Variants in AMOTL2 observed in about 807,000 individuals in gnomAD.
AMOTL2 encodes angiomotin-like protein 2.
In AMOTL2, 33 loss-of-function variants were observed where a neutral mutation model predicts 78.4. The ratio of observed to expected loss-of-function variants is 0.42; its 90% CI spans 0.32 to 0.56. AMOTL2 has a LOEUF of 0.56. AMOTL2 is among the 20% of genes least tolerant of loss of function. The pLI, the probability that AMOTL2 is intolerant of heterozygous loss-of-function variation, is 0.12. For synonymous variants in AMOTL2, 422 were observed against 428.8 expected, an observed-to-expected ratio of 0.98 and a Z score of 0.20; for missense variants, 983 against 1,030.1, an observed-to-expected ratio of 0.95 and a Z score of 0.63.
In AMOTL2 at chr3:134,357,619, G is replaced by A. The variant is rs1381186319; in HGVS notation, c.*86C>T. The A allele has an allele frequency of 1.8e-5, 24 of 1,344,076 alleles. No homozygotes were observed. Among genetic ancestry groups the A allele is most frequent in the Middle Eastern group, 3.7e-4 (2 of 5,404 alleles). The allele number at this position is 1,344,076 out of a possible 1,614,324, so 83.3% of individuals were successfully genotyped here. A position where few individuals can be genotyped will look rare whatever the true frequency, so the allele number is the denominator to read the frequency against. ...TGGCTGGGGAAAGGGACGGAGCAGC[G>A]GTTGACGGGGCTGCTGAAATGGCTG... On this transcript the variant is annotated 3_prime_UTR_variant, in exon 10 of 10. Coordinates refer to ENST00000249883, the MANE Select transcript of AMOTL2 (RefSeq NM_016201.4).
At chr3:134,367,121 G>T (rs1391106214) in intron 3 of AMOTL2, among the ~76,000 whole-genome samples, 1 of 152,124 alleles carries the variant, frequency 6.6e-6, no homozygotes, top group African/African-American at 2.4e-5. Context: ...TTTGGCCAGG[G>T]CTGGCCTGGA....
At chr3:134,372,420 C>T (rs746827586) in intron 1 of AMOTL2, among the ~76,000 whole-genome samples, 33 of 125,948 alleles carry the variant, frequency 2.6e-4, no homozygotes, top group Admixed American at 4.8e-4. Flanking sequence ...CAAAAAGGTG[C>T]CACCCATTAA....
intron 2 of AMOTL2, among the ~76,000 whole-genome samples, chr3:134,370,484 C>A (rs533168101): frequency 6.6e-6 from 1 of 152,320 alleles, no homozygotes; most frequent in East Asian, 1.9e-4. Context: ...GACAATGGTG[C>A]CTATCTCTGA....
At chr3:134,360,838 CT>C (rs2017323942) in intron 6 of AMOTL2, among the ~76,000 whole-genome samples, 1 of 152,200 alleles carries the variant, frequency 6.6e-6, no homozygotes, top group South Asian at 2.1e-4. Flanking sequence ...CACAGTGGAT[CT>C]GGACAACCAT....
chr3:134,366,337 T>TCCGCATGGTCTTCTCCAGGG lies in AMOTL2; in HGVS notation c.1112_1131dup (p.Asn378ProfsTer14). The TCCGCATGGTCTTCTCCAGGG allele has an allele frequency of 6.2e-7, 1 of 1,614,204 alleles. No individual in the cohort carries two copies. The highest frequency in any genetic ancestry group is 8.5e-7 in the Non-Finnish European group (1 of 1,180,036). On this transcript the variant is annotated frameshift_variant, in exon 4 of 10. Transcript: ENST00000249883. LOFTEE classifies it high-confidence loss of function. The stretch of plus-strand genomic sequence containing the variant: ...CTCCTCATTTCACTGTCCATCTTGT[T>TCCGCATGGTCTTCTCCAGGG]CCGCATGGTCTTCTCCAGGGCCTCA...
In AMOTL2 at chr3:134,359,403, G is replaced by A; in HGVS notation, c.1984C>T (p.Leu662=). ...GATGGCACCGACTTGGCAGGCCGCA[G>A]GGAGCCCTGGATGGCCTTGCCAGGG... ...RDPGKAIQGS[L]RPAKSVPSVF... is the part of the protein sequence containing the mutation. Residue 662 remains leucine (L), a synonymous_variant, in exon 8 of 10, where the codon CTG becomes TTG. Coordinates refer to ENST00000249883, the MANE Select transcript of AMOTL2 (RefSeq NM_016201.4). 6.2e-7 allele frequency: 1 copy of A among 1,614,188 alleles called. No individual in the cohort carries two copies. The highest frequency in any genetic ancestry group is 8.5e-7 in the Non-Finnish European group (1 of 1,180,026).
chr3:134,374,030 A>T (rs1033391027), intron 1 of AMOTL2: 1 of 62,652 alleles, frequency 1.6e-5, no homozygotes. Context: ...CGCCACCCCC[A>T]CCCCCGCCGA....
chr3:134,364,609 GA>G (rs2017528953), intron 5 of AMOTL2, among the ~76,000 whole-genome samples: 1 of 151,904 alleles, frequency 6.6e-6, no homozygotes, highest in Admixed American at 6.6e-5. Flanking sequence ...AGCCAGAAGA[GA>G]CCAGCCTACC....
In AMOTL2 at chr3:134,370,849, TG is replaced by T. The variant is rs778020599; in HGVS notation, c.584del (p.Pro195HisfsTer2). The T allele has an allele frequency of 1.2e-6, 2 of 1,601,560 alleles. No individual in the cohort carries two copies. Among genetic ancestry groups the T allele is most frequent in the Non-Finnish European group, 1.7e-6 (2 of 1,172,188 alleles). ...GGCCCTCAGCAGGGGGGCCCCTCAG[TG>T]GGGGGCCCTGCTGGTTGCGGGCCAG... ...PQLARNQQGP[P>X]LRGPPAEGPE... On this transcript the variant is annotated frameshift_variant, in exon 2 of 10. Transcript: ENST00000249883. LOFTEE classifies it high-confidence loss of function.
chr3:134,371,297 C>T lies in AMOTL2; in HGVS notation c.137G>A (p.Gly46Glu). ...QQALRGGAGT[G>E]GTGSPQASLE... Reference sequence around the variant, plus strand: ...GGAGGCCTGGGGGCTCCCTGTACCCCCAGTTCCAGCCCCACCCCTCAGGGC... The same window carrying T: ...GGAGGCCTGGGGGCTCCCTGTACCCTCAGTTCCAGCCCCACCCCTCAGGGC... The change falls in exon 2 of 10, where the codon GGG (glycine) becomes GAG (glutamate). Residue 46 changes from glycine (G) to glutamate (E), a missense_variant. Gly to Glu is a moderately conservative substitution (Grantham distance 98). Coordinates refer to ENST00000249883, the MANE Select transcript of AMOTL2 (RefSeq NM_016201.4). 1.2e-6 allele frequency: 2 copies of T among 1,612,326 alleles called. No individual in the cohort carries two copies. Among genetic ancestry groups the T allele is most frequent in the Non-Finnish European group, 1.7e-6 (2 of 1,180,000 alleles).
chr3:134,366,442 C>T lies in AMOTL2; in HGVS notation c.1042-15G>A, dbSNP rs775171350. 1 of 1,608,622 alleles carries T rather than the reference C, an allele frequency of 6.2e-7. No individual in the cohort carries two copies. The highest frequency in any genetic ancestry group is 1.3e-5 in the African/African-American group (1 of 74,740). On this transcript the variant is annotated splice_polypyrimidine_tract_variant and intron_variant, in intron 3 of 9. Transcript: ENST00000249883. The stretch of plus-strand genomic sequence containing the variant: ...TCGCTTTCCAGCTGCAAGAGTCAGA[C>T]AGCAGAGCTGAATGAAGGCGAGAGC...
Position 134,365,585 on chromosome 3 carries a change from T to C in AMOTL2, c.1279+232A>G, listed in dbSNP as rs557416512. ...AATCACTGCTCCCTGGCTTTCCCTC[T>C]TGTGTCAGCTGATCTTCTTAAAAGA... is the stretch of plus-strand genomic sequence containing the variant. On this transcript the variant is annotated intron_variant, in intron 5 of 9. Coordinates refer to ENST00000249883, the MANE Select transcript of AMOTL2 (RefSeq NM_016201.4). Among the ~76,000 whole-genome samples the C allele has an allele frequency of 1.2e-3, 177 of 152,372 alleles. 2 individuals carry two copies. The highest frequency in any genetic ancestry group is 4.0e-3 in the African/African-American group (167 of 41,594).
rs144090840 is a variant in AMOTL2 at position 134,367,589 on chromosome 3, C to A, written c.949G>T (p.Val317Leu). 1 of 1,613,562 alleles carries A rather than the reference C, an allele frequency of 6.2e-7. No individual in the cohort carries two copies. The highest frequency in any genetic ancestry group is 8.5e-7 in the Non-Finnish European group (1 of 1,180,050). ...GSAHLAQMEA[V>L]LRENARLQRD... The stretch of plus-strand genomic sequence containing the variant: ...TGCAGCCTGGCATTCTCCCTCAGCA[C>A]GGCCTCCATCTGGGCCAGGTGGGCA... Residue 317 changes from valine (V) to leucine (L), a missense_variant, in exon 3 of 10, where the codon GTG (valine) becomes TTG (leucine). Transcript: ENST00000249883.
At chr3:134,361,257 C>A (rs572338442) in intron 6 of AMOTL2, among the ~76,000 whole-genome samples, 1 of 152,172 alleles carries the variant, frequency 6.6e-6, no homozygotes, top group Non-Finnish European at 1.5e-5. Flanking sequence ...CTGCTGCTGC[C>A]GAGGACAGGA....
In AMOTL2 at chr3:134,357,560, T is replaced by C; in HGVS notation, c.*145A>G. The C allele has an allele frequency of 1.2e-6, 1 of 852,696 alleles. No homozygotes were observed. Among genetic ancestry groups the C allele is most frequent in the Non-Finnish European group, 2.0e-6 (1 of 508,346 alleles). 52.8% of individuals were successfully genotyped at this position (852,696 alleles called of 1,614,324 possible). A position where few individuals can be genotyped will look rare whatever the true frequency, so the allele number is the denominator to read the frequency against. Reference sequence around the variant, plus strand: ...CTCCCCTGGGGTCCTCCTCCTGAGCTCCTGGGACCAGATGGTCAATGGGAA... The same window carrying C: ...CTCCCCTGGGGTCCTCCTCCTGAGCCCCTGGGACCAGATGGTCAATGGGAA... On this transcript the variant is annotated 3_prime_UTR_variant, in exon 10 of 10. Transcript: ENST00000249883.
Position 134,357,901 on chromosome 3 carries a change from C to G in AMOTL2, c.2285-138G>C, listed in dbSNP as rs2017143706. On this transcript the variant is annotated intron_variant, in intron 9 of 9. Transcript: ENST00000249883. Reference sequence around the variant, plus strand: ...GCTGCCCAGGTTCCCAGAACTCGGCCAACCAAGCACAATGCTCTGCCCCCT... The same window carrying G: ...GCTGCCCAGGTTCCCAGAACTCGGCGAACCAAGCACAATGCTCTGCCCCCT... 3 of 813,550 alleles carry G rather than the reference C, an allele frequency of 3.7e-6. No individual in the cohort carries two copies. In the South Asian group the frequency reaches 4.6e-5, roughly 12 times the overall value. The allele number at this position is 813,550 out of a possible 1,614,324, so 50.4% of individuals were successfully genotyped here. A position where few individuals can be genotyped will look rare whatever the true frequency, so the allele number is the denominator to read the frequency against.
intron 5 of AMOTL2, among the ~76,000 whole-genome samples, chr3:134,365,462 A>G (rs2017562955): frequency 6.6e-6 from 1 of 152,132 alleles, no homozygotes; most frequent in Admixed American, 6.5e-5. Flanking sequence ...GGAAGCTCTC[A>G]GACCTGTCCT....
At chr3:134,362,547 T>C (rs1031566210) in intron 5 of AMOTL2, among the ~76,000 whole-genome samples, 12 of 152,294 alleles carry the variant, frequency 7.9e-5, no homozygotes, top group Admixed American at 6.5e-4. Flanking sequence ...TTTCCTTCCA[T>C]GGTCTGAAAA....
At chr3:134,357,825 C>T in intron 9 of AMOTL2, 62 bp from the exon 10 acceptor site, 1 of 1,525,594 alleles carries the variant, frequency 6.6e-7, no homozygotes, top group Non-Finnish European at 9.1e-7. Flanking sequence ...TTTTAAAATC[C>T]TGGCACATTT....
Sources: allele counts gnomAD v4.1 joint callset (sites outside exome capture counted in the v4.1 genomes callset), GRCh38; gene constraint gnomAD v4.1.1; transcripts MANE v1.5; gene names NCBI Gene and HGNC (gene_info 2026-07-23, HGNC 2026-07-21).